The following NGLY1 variants were observed in gnomAD, a reference collection of about 807,000 sequenced individuals.
NGLY1 encodes peptide-N(4)-(N-acetyl-beta-glucosaminyl)asparagine amidase.
A neutral mutation model predicts 84.6 loss-of-function variants in NGLY1; 68 were observed. The ratio of observed to expected loss-of-function variants is 0.80; its 90% CI spans 0.66 to 0.98. NGLY1 has a LOEUF of 0.98. NGLY1 is among the 50% of genes least tolerant of loss of function. The pLI, the probability that NGLY1 is intolerant of heterozygous loss-of-function variation, is 0.00. For missense variants in NGLY1, 779 were observed against 770.2 expected (o/e 1.01, Z -0.14); for synonymous variants, 280 against 275.2 (o/e 1.02, Z -0.17).
chr3:25,735,915 T>G (rs1160116066), intron 7 of NGLY1, 89 bp downstream of exon 7: 1 of 1,130,160 alleles, frequency 8.8e-7, no homozygotes. Context: ...TGCAGGTTAT[T>G]GTATGTTAAT....
At chr3:25,771,548 T>G (rs1707891845) in intron 2 of NGLY1, among the ~76,000 whole-genome samples, 1 of 152,192 alleles carries the variant, frequency 6.6e-6, no homozygotes, top group Admixed American at 6.5e-5. Context: ...TAGGACTGTT[T>G]TTTTCTAGTT....
At position 25,766,100 on chromosome 3, in the gene NGLY1, T is replaced by G. The variant is rs142805918; in HGVS notation, c.247-1789A>C. Among the ~76,000 whole-genome samples the G allele has an allele frequency of 4.4e-3, 663 of 151,506 alleles. 3 individuals are homozygous for G. Among genetic ancestry groups the G allele is most frequent in the African/African-American group, 0.015 (617 of 41,290 alleles). On this transcript the variant is annotated intron_variant, in intron 2 of 11. Coordinates refer to ENST00000280700, the MANE Select transcript of NGLY1 (RefSeq NM_018297.4). ...TTTTTTTGGAGACAGAGTTTTGCTC[T>G]TGTTGCCCAGTCTGGAGTGCAGTGG...
chr3:25,756,730 T>C (rs914564906), intron 3 of NGLY1, among the ~76,000 whole-genome samples: 1 of 152,206 alleles, frequency 6.6e-6, no homozygotes, highest in Non-Finnish European at 1.5e-5. Flanking sequence ...TTTTAGCTAG[T>C]TGCTGAGGAT....
intron 2 of NGLY1, among the ~76,000 whole-genome samples, chr3:25,774,283 C>T (rs924016515): frequency 5.3e-5 from 8 of 152,166 alleles, no homozygotes; most frequent in African/African-American, 1.7e-4. Flanking sequence ...GCATCAGCTG[C>T]AGTAGTATCA....
intron 2 of NGLY1, among the ~76,000 whole-genome samples, chr3:25,772,357 T>C (rs780359880): frequency 1.3e-5 from 2 of 152,224 alleles, no homozygotes; most frequent in African/African-American, 2.4e-5. Context: ...TTTAGGACTG[T>C]AATGTTTTCC....
rs1559551824 is a variant in NGLY1 at position 25,764,131 on chromosome 3, T to A, written c.427A>T (p.Ser143Cys). 3.1e-6 allele frequency: 5 copies of A among 1,614,188 alleles called. No individual in the cohort carries two copies. Among genetic ancestry groups the A allele is most frequent in the Non-Finnish European group, 4.2e-6 (5 of 1,180,024 alleles). Reference sequence around the variant, plus strand: ...TTCCTTGTGTGCTGGTTTAACCCACTGGGATTTGAAGATGGTGTTGTAGGA... The same window carrying A: ...TTCCTTGTGTGCTGGTTTAACCCACAGGGATTTGAAGATGGTGTTGTAGGA... ...QLPTTPSSNP[S>C]GLNQHTRNRQ... is the part of the protein sequence containing the mutation. Residue 143 changes from serine to cysteine, a missense_variant, in exon 3 of 12, where the codon AGT becomes TGT. Transcript: ENST00000280700.
At chr3:25,778,356 G>C (rs1013809749) in intron 2 of NGLY1, 1 of 370,352 alleles carries the variant, frequency 2.7e-6, no homozygotes, top group Admixed American at 4.4e-5. Flanking sequence ...ACTGAGACTC[G>C]TAAGAATTTC....
intron 2 of NGLY1, among the ~76,000 whole-genome samples, chr3:25,771,794 C>T (rs1707907180): frequency 1.3e-5 from 2 of 151,722 alleles, no homozygotes; most frequent in South Asian, 2.1e-4. Flanking sequence ...TTTATTGCAG[C>T]AATTGTAAAA....
intron 4 of NGLY1, among the ~76,000 whole-genome samples, chr3:25,746,884 C>T (rs566711701): frequency 6.6e-6 from 1 of 152,246 alleles, no homozygotes; most frequent in Admixed American, 6.5e-5. Context: ...GGCTGCAGTG[C>T]AGTGGTGCAA....
At chr3:25,778,984 G>A (rs964574033) in intron 1 of NGLY1, among the ~76,000 whole-genome samples, 8 of 127,856 alleles carry the variant, frequency 6.3e-5, no homozygotes, top group Non-Finnish European at 1.1e-4. Flanking sequence ...TTCCCAAGCT[G>A]GAGTGCAGTG....
chr3:25,726,099 G>A (rs1705242942), intron 10 of NGLY1, among the ~76,000 whole-genome samples: 1 of 150,796 alleles, frequency 6.6e-6, no homozygotes, highest in Non-Finnish European at 1.5e-5. Flanking sequence ...TAAAATGACT[G>A]TAGTGACAAA....
intron 1 of NGLY1, among the ~76,000 whole-genome samples, chr3:25,789,391 CTT>C (rs1708673459): frequency 6.6e-6 from 1 of 152,044 alleles, no homozygotes; most frequent in Non-Finnish European, 1.5e-5. Context: ...AAAGTAAAAA[CTT>C]TATTACAAAA....
chr3:25,758,480 A>C (rs1015655838), intron 3 of NGLY1, among the ~76,000 whole-genome samples: 3 of 152,238 alleles, frequency 2.0e-5, no homozygotes, highest in South Asian at 2.1e-4. Context: ...TGGAAGGCTG[A>C]GGTGGGAGGA....
In NGLY1 at chr3:25,779,871, A is replaced by AT. The variant is rs202175949; in HGVS notation, c.132-1184dup. On this transcript the variant is annotated intron_variant, in intron 1 of 11. Coordinates refer to ENST00000280700, the MANE Select transcript of NGLY1 (RefSeq NM_018297.4). The stretch of plus-strand genomic sequence containing the variant: ...CAGAATATTCAGAGACAAATGCTCT[A>AT]TTTTTTTTGCTATTCAAAATGTCCA... Among the ~76,000 whole-genome samples, 114 of 152,040 alleles carry AT rather than the reference A, an allele frequency of 7.5e-4. 3 individuals are homozygous for AT. The East Asian group carries it at 0.019, about 25-fold the overall frequency.
intron 2 of NGLY1, among the ~76,000 whole-genome samples, chr3:25,773,640 G>C (rs2125311092): frequency 6.6e-6 from 1 of 152,138 alleles, no homozygotes; most frequent in African/African-American, 2.4e-5. Flanking sequence ...TCTTGGTTTG[G>C]ATCCATTGCT....
chr3:25,737,522 CTA>C (rs1705899352), intron 5 of NGLY1, 67 bp from the exon 6 acceptor site: 1 of 1,310,424 alleles, frequency 7.6e-7, no homozygotes, highest in Non-Finnish European at 1.0e-6. Context: ...TACATTACCT[CTA>C]TGCTAAACAG....
intron 4 of NGLY1, among the ~76,000 whole-genome samples, chr3:25,748,672 T>C (rs4417832): frequency 0.72 from 108,969 of 152,048 alleles, 41,799 homozygotes; most frequent in East Asian, 0.94. Flanking sequence ...ACAAAGACAG[T>C]TGACTCCAAA....
intron 4 of NGLY1, 116 bp from the exon 5 acceptor site, chr3:25,739,915 G>C: frequency 2.6e-6 from 2 of 780,000 alleles, no homozygotes; most frequent in Non-Finnish European, 4.0e-6. Context: ...ATGATTTTAA[G>C]GTTTTCACTA....
At chr3:25,782,327 G>C (rs922662008) in intron 1 of NGLY1, among the ~76,000 whole-genome samples, 2 of 152,158 alleles carry the variant, frequency 1.3e-5, no homozygotes, top group East Asian at 3.8e-4. Flanking sequence ...ACCAGGGGCT[G>C]AGGGGAACAG....
Sources: gnomAD v4.1 joint callset for allele counts (sites outside exome capture counted in the v4.1 genomes callset) on GRCh38, gnomAD v4.1.1 for gene constraint, MANE v1.5 for transcripts, NCBI Gene and HGNC (gene_info 2026-07-23, HGNC 2026-07-21) for gene names.